The following DLGAP2 variants were observed in gnomAD, a reference collection of about 807,000 sequenced individuals.
DLGAP2 encodes the protein disks large-associated protein 2.
Under a neutral mutation model 100.3 loss-of-function variants are expected in DLGAP2, and 26 were observed. The observed-to-expected ratio is 0.26, with a 90% confidence interval of 0.19 to 0.36. DLGAP2 has a LOEUF of 0.36. DLGAP2 is among the 10% of genes least tolerant of loss of function. The probability of loss-of-function intolerance (pLI) is 1.00; values close to 1 mark genes in which losing one functional copy is unlikely to be tolerated. For missense variants in DLGAP2, 1,858 were observed against 1,453.2 expected, an observed-to-expected ratio of 1.28 and a Z score of -4.53; for synonymous variants, 886 against 630.1, an observed-to-expected ratio of 1.41 and a Z score of -6.08.
intron 3 of DLGAP2, among the ~76,000 whole-genome samples, chr8:1,412,552 C>G (rs1160547648): frequency 6.6e-6 from 1 of 152,180 alleles, no homozygotes; most frequent in Non-Finnish European, 1.5e-5. Flanking sequence ...CTTGGTAAGC[C>G]CCAGCCATTC....
At chr8:1,532,895 A>C (rs770014702) in intron 4 of DLGAP2, among the ~76,000 whole-genome samples, 6 of 152,172 alleles carry the variant, frequency 3.9e-5, no homozygotes, top group Non-Finnish European at 7.3e-5. Flanking sequence ...TAAAGTCCTC[A>C]TGAGCGTGGC....
intron 1 of DLGAP2, among the ~76,000 whole-genome samples, chr8:755,555 C>A (rs1160231955): frequency 2.0e-5 from 3 of 152,174 alleles, no homozygotes; most frequent in Admixed American, 6.5e-5. Context: ...CAGCTGGAAG[C>A]CCAGCGGAGA....
At position 1,604,289 on chromosome 8, in the gene DLGAP2, G is replaced by C. The variant is rs550609288; in HGVS notation, c.1443-22451G>C. ...ATTTTATCTCCTAACACCAGGGAGAGATGTTTCACTAGGGTGTTCATTATG... is the reference window on the plus strand; with the variant it reads ...ATTTTATCTCCTAACACCAGGGAGACATGTTTCACTAGGGTGTTCATTATG... On this transcript the variant is annotated intron_variant, in intron 6 of 14. Transcript: ENST00000637795. 9.2e-5 allele frequency among the ~76,000 whole-genome samples: 14 copies of C among 152,308 alleles called. No homozygotes were observed. In the East Asian group the frequency reaches 1.2e-3, roughly 13 times the overall value.
chr8:1,548,391 G>A (rs56394442), intron 4 of DLGAP2, among the ~76,000 whole-genome samples: 76,952 of 146,040 alleles, frequency 0.53, 20,663 homozygotes, highest in African/African-American at 0.6. Context: ...CCCGGGAGGC[G>A]GAGCTTGCAG....
chr8:1,559,996 A>G (rs929451695), intron 5 of DLGAP2, among the ~76,000 whole-genome samples: 1 of 152,192 alleles, frequency 6.6e-6, no homozygotes, highest in African/African-American at 2.4e-5. Context: ...CTCCACCCTG[A>G]TGATGCTACC....
intron 4 of DLGAP2, among the ~76,000 whole-genome samples, chr8:1,532,931 G>C (rs534356359): frequency 6.6e-6 from 1 of 152,058 alleles, no homozygotes; most frequent in African/African-American, 2.4e-5. Context: ...CGAGCACCAC[G>C]TATGCCCCAC....
intron 2 of DLGAP2, among the ~76,000 whole-genome samples, chr8:1,198,858 G>C (rs547392714): frequency 3.3e-5 from 5 of 152,340 alleles, no homozygotes; most frequent in South Asian, 2.1e-4. Flanking sequence ...CTGGGGGTTA[G>C]GAGCTGCACC....
At chr8:1,415,651 C>G (rs1393280259) in intron 3 of DLGAP2, among the ~76,000 whole-genome samples, 2 of 152,198 alleles carry the variant, frequency 1.3e-5, no homozygotes, top group Admixed American at 6.5e-5. Context: ...TCCATTCTCT[C>G]TTACGGCTGC....
At chr8:853,552 G>A (rs193171922) in intron 1 of DLGAP2, among the ~76,000 whole-genome samples, 3 of 152,266 alleles carry the variant, frequency 2.0e-5, no homozygotes, top group South Asian at 2.1e-4. Flanking sequence ...GAAGCCCAGG[G>A]CCAGACTCAC....
intron 3 of DLGAP2, among the ~76,000 whole-genome samples, chr8:1,290,064 A>G (rs1020060409): frequency 6.6e-6 from 1 of 152,176 alleles, no homozygotes; most frequent in East Asian, 1.9e-4. Flanking sequence ...GTGTTATCTC[A>G]GTGACGTGAT....
intron 6 of DLGAP2, among the ~76,000 whole-genome samples, chr8:1,573,635 T>C (rs1297844556): frequency 6.6e-6 from 1 of 152,158 alleles, no homozygotes; most frequent in Non-Finnish European, 1.5e-5. Context: ...CGTGCTGTTC[T>C]GGTGCCCAAA....
At chr8:1,573,809 G>C (rs1396546712) in intron 6 of DLGAP2, among the ~76,000 whole-genome samples, 4 of 152,166 alleles carry the variant, frequency 2.6e-5, no homozygotes, top group Admixed American at 2.0e-4. Context: ...GGCTGAGCAG[G>C]TGTGAGGCAC....
chr8:1,359,171 G>C (rs1333150845), intron 3 of DLGAP2, among the ~76,000 whole-genome samples: 1 of 152,192 alleles, frequency 6.6e-6, no homozygotes, highest in African/African-American at 2.4e-5. Context: ...ACCATAGAAA[G>C]GAGGGCCCAG....
At chr8:1,257,238 C>A (rs75700374) in intron 2 of DLGAP2, among the ~76,000 whole-genome samples, 1 of 152,174 alleles carries the variant, frequency 6.6e-6, no homozygotes, top group African/African-American at 2.4e-5. Flanking sequence ...GCCACACACA[C>A]GGCTCCCAGG....
chr8:1,419,696 C>G (rs1170854234), intron 3 of DLGAP2, among the ~76,000 whole-genome samples: 1 of 152,106 alleles, frequency 6.6e-6, no homozygotes. Flanking sequence ...TGGCGGTTAC[C>G]AGAAAGACCA....
Position 1,335,655 on chromosome 8 carries a change from G to T in DLGAP2, c.106+76772G>T, listed in dbSNP as rs77120577. Among the ~76,000 whole-genome samples the T allele has an allele frequency of 2.9e-3, 443 of 152,264 alleles. 3 individuals are homozygous for T. The highest frequency in any genetic ancestry group is 9.8e-3 in the African/African-American group (407 of 41,550). ...CATGACGTATGAGTAGGAGTTTGAT[G>T]GATGGAGGAAAAGTCGAGAGCAATC... On this transcript the variant is annotated intron_variant, in intron 3 of 14. Transcript: ENST00000637795.
intron 2 of DLGAP2, among the ~76,000 whole-genome samples, chr8:1,093,764 C>G (rs969521783): frequency 6.6e-6 from 1 of 152,010 alleles, no homozygotes; most frequent in Non-Finnish European, 1.5e-5. Context: ...TCTCTGGGCA[C>G]CATGGCCCAC....
chr8:1,501,279 G>C, intron 3 of DLGAP2, 87 bp from the exon 4 acceptor site: 11 of 1,351,484 alleles, frequency 8.1e-6, no homozygotes, highest in Non-Finnish European at 1.1e-5. Context: ...GAACTGTTGA[G>C]TGTGGAGGGT....
chr8:1,364,262 C>T (rs1353413671), intron 3 of DLGAP2, among the ~76,000 whole-genome samples: 1 of 152,212 alleles, frequency 6.6e-6, no homozygotes. Context: ...GCCTTGAAGC[C>T]AGCTGCCCCC....
Sources: gnomAD v4.1 joint callset for allele counts (sites outside exome capture counted in the v4.1 genomes callset) on GRCh38, gnomAD v4.1.1 for gene constraint, MANE v1.5 for transcripts, NCBI Gene and HGNC (gene_info 2026-07-23, HGNC 2026-07-21) for gene names.